Variants in NUCB2 observed in about 807,000 individuals in gnomAD.
NUCB2 encodes the protein nucleobindin-2.
A neutral mutation model predicts 57.9 loss-of-function variants in NUCB2; 48 were observed. That is an observed-to-expected ratio of 0.83 (90% confidence interval 0.66 to 1.05). NUCB2 has a LOEUF of 1.05. Among genes scored for constraint, NUCB2 ranks in the 50% least tolerant of loss-of-function variants. The pLI, the probability that NUCB2 is intolerant of heterozygous loss-of-function variation, is 0.00. For missense variants in NUCB2, 442 were observed against 476.2 expected (o/e 0.93, Z 0.67); for synonymous variants, 139 against 152.1 (o/e 0.91, Z 0.64).
intron 4 of NUCB2, among the ~76,000 whole-genome samples, chr11:17,299,376 A>G (rs1476822549): frequency 6.6e-6 from 1 of 152,184 alleles, no homozygotes; most frequent in African/African-American, 2.4e-5. Context: ...TCTAATAATA[A>G]TGACTATTCT....
In NUCB2 at chr11:17,310,729, A is replaced by G; in HGVS notation, c.484-96A>G. ...CAGTATGTTTTTGCCCTCCCGTACCACTTCTGTTCAAGAGTATGCTATATT... is the reference window on the plus strand; with the variant it reads ...CAGTATGTTTTTGCCCTCCCGTACCGCTTCTGTTCAAGAGTATGCTATATT... On this transcript the variant is annotated intron_variant, in intron 6 of 13. Coordinates refer to ENST00000529010, the MANE Select transcript of NUCB2 (RefSeq NM_005013.4). The G allele has an allele frequency of 3.3e-6, 3 of 903,216 alleles. 1 individual carries two copies. The South Asian group carries it at 4.9e-5, about 15-fold the overall frequency. The allele number at this position is 903,216 out of a possible 1,614,324, so 56.0% of individuals were successfully genotyped here. A position where few individuals can be genotyped will look rare whatever the true frequency, so the allele number is the denominator to read the frequency against.
chr11:17,315,862 A>G (rs1453983029), intron 11 of NUCB2, among the ~76,000 whole-genome samples: 2 of 151,580 alleles, frequency 1.3e-5, no homozygotes, highest in African/African-American at 2.4e-5. Flanking sequence ...TGCAGTTTGT[A>G]TATATAGTAT....
intron 2 of NUCB2, among the ~76,000 whole-genome samples, chr11:17,292,518 C>G (rs896782062): frequency 6.6e-6 from 1 of 152,196 alleles, no homozygotes; most frequent in Non-Finnish European, 1.5e-5. Flanking sequence ...CACCCAGAGT[C>G]TCTGATTTAG....
downstream of NUCB2, among the ~76,000 whole-genome samples, chr11:17,335,565 G>A (rs1044655118): frequency 2.0e-5 from 3 of 151,940 alleles, no homozygotes; most frequent in Non-Finnish European, 2.9e-5. Context: ...GCAGTAGTGC[G>A]ATCTCGGCTC....
chr11:17,322,777 T>A (rs964104229), intron 11 of NUCB2, among the ~76,000 whole-genome samples: 3 of 152,126 alleles, frequency 2.0e-5, no homozygotes, highest in African/African-American at 7.2e-5. Flanking sequence ...TGTTTTATAG[T>A]TTTCATTATA....
At chr11:17,341,201 T>G (rs1441578043) in intron 2 of NUCB2, among the ~76,000 whole-genome samples, 1 of 152,192 alleles carries the variant, frequency 6.6e-6, no homozygotes, top group Non-Finnish European at 1.5e-5. Context: ...CCTATCAGCT[T>G]AAGGAGATTT....
At position 17,331,434 on chromosome 11, in the gene NUCB2, C is replaced by A; in HGVS notation, c.*15C>A. 2 of 1,428,044 alleles carry A rather than the reference C, an allele frequency of 1.4e-6. No homozygotes were observed. Among genetic ancestry groups the A allele is most frequent in the South Asian group, 1.7e-5 (1 of 57,354 alleles). 88.5% of individuals were successfully genotyped at this position (1,428,044 alleles called of 1,614,324 possible). On this transcript the variant is annotated 3_prime_UTR_variant, in exon 14 of 14. Transcript: ENST00000529010. ...CAGACATTTAAAGTCTGAAGTCCAC[C>A]AGAACTTGGAAGAAAGCTGTTAACT...
chr11:17,324,417 T>C (rs1211682651), intron 11 of NUCB2, among the ~76,000 whole-genome samples: 2 of 152,162 alleles, frequency 1.3e-5, no homozygotes, highest in Non-Finnish European at 2.9e-5. Flanking sequence ...GAGAAGATGC[T>C]TGCTATTATT....
At chr11:17,335,080 A>G (rs922528159), downstream of NUCB2, among the ~76,000 whole-genome samples, 3 of 152,178 alleles carry the variant, frequency 2.0e-5, no homozygotes, top group African/African-American at 4.8e-5. Context: ...AAAACCCTAC[A>G]AAAACCACTC....
chr11:17,345,254 G>A (rs1952620474), intron 2 of NUCB2, among the ~76,000 whole-genome samples: 1 of 151,740 alleles, frequency 6.6e-6, no homozygotes, highest in Non-Finnish European at 1.5e-5. Flanking sequence ...CCAGTGCTGT[G>A]TAATCCATAT....
Position 17,314,627 on chromosome 11 carries a change from C to T in NUCB2, c.913-759C>T, listed in dbSNP as rs1343743485. On this transcript the variant is annotated intron_variant, in intron 10 of 13. Coordinates refer to ENST00000529010, the MANE Select transcript of NUCB2 (RefSeq NM_005013.4). ...CCATGGTCCATCCAATGACTACGCT[C>T]ATTTAAATATTTGCCTTTCTCTGCA... Among the ~76,000 whole-genome samples, 5 of 152,276 alleles carry T rather than the reference C, an allele frequency of 3.3e-5. No individual in the cohort carries two copies. In the East Asian group the frequency reaches 5.8e-4, roughly 18 times the overall value.
At position 17,310,927 on chromosome 11, in the gene NUCB2, A is replaced by G; in HGVS notation, c.586A>G (p.Asn196Asp). ...HERREYLKTL[N>D]EEKRKEEESK... is the part of the protein sequence containing the mutation. ...AAGGAGAGAATATTTAAAAACATTG[A>G]ATGAAGAAAAGAGAAAAGAAGAAGA... The change falls in exon 7 of 14, where the codon AAT (asparagine) becomes GAT (aspartate). Residue 196 changes from asparagine to aspartate, a missense_variant. Transcript: ENST00000529010. 1 of 1,593,028 alleles carries G rather than the reference A, an allele frequency of 6.3e-7. No homozygotes were observed. The highest frequency in any genetic ancestry group is 8.5e-7 in the Non-Finnish European group (1 of 1,172,652).
chr11:17,329,235 T>A (rs561128957), intron 11 of NUCB2, among the ~76,000 whole-genome samples: 30 of 152,326 alleles, frequency 2.0e-4, no homozygotes, highest in African/African-American at 7.2e-4. Context: ...AGCCACAAGC[T>A]GCACTGCCTG....
exon 2 of NUCB2, chr11:17,337,386 G>A: frequency 6.6e-6 from 1 of 152,170 alleles, no homozygotes; most frequent in Non-Finnish European, 1.5e-5. Flanking sequence ...AAAACAGTCA[G>A]AGTTAGATGA....
At chr11:17,283,848 A>G (rs1943149939) in intron 2 of NUCB2, among the ~76,000 whole-genome samples, 1 of 152,224 alleles carries the variant, frequency 6.6e-6, no homozygotes, top group Admixed American at 6.5e-5. Context: ...TCATCTCAAG[A>G]TACATTTCAC....
At chr11:17,300,881 C>T (rs1480434932) in intron 4 of NUCB2, among the ~76,000 whole-genome samples, 1 of 150,496 alleles carries the variant, frequency 6.6e-6, no homozygotes, top group Admixed American at 6.6e-5. Context: ...ACAATTTAAC[C>T]TTTTGAGTTT....
At chr11:17,321,741 T>C (rs1433247352) in intron 11 of NUCB2, among the ~76,000 whole-genome samples, 1 of 152,184 alleles carries the variant, frequency 6.6e-6, no homozygotes, top group Non-Finnish European at 1.5e-5. Flanking sequence ...TTCTTTTTTT[T>C]TCACATCCTT....
At chr11:17,323,889 T>C (rs374468430) in intron 11 of NUCB2, among the ~76,000 whole-genome samples, 6 of 152,228 alleles carry the variant, frequency 3.9e-5, no homozygotes, top group African/African-American at 1.4e-4. Flanking sequence ...TAAGGATCCA[T>C]TGAATTTCTG....
chr11:17,288,812 C>T (rs1944286801), intron 2 of NUCB2, among the ~76,000 whole-genome samples: 1 of 149,940 alleles, frequency 6.7e-6, no homozygotes, highest in Non-Finnish European at 1.5e-5. Flanking sequence ...ACCTCAGCCT[C>T]CCAAAGTGTT....
Sources: gnomAD v4.1 joint callset for allele counts (sites outside exome capture counted in the v4.1 genomes callset) on GRCh38, gnomAD v4.1.1 for gene constraint, MANE v1.5 for transcripts, NCBI Gene and HGNC (gene_info 2026-07-23, HGNC 2026-07-21) for gene names.